Variants in USP24 observed in about 807,000 individuals in gnomAD.
USP24 encodes ubiquitin carboxyl-terminal hydrolase 24.
USP24 carries 97 observed loss-of-function variants against 361.6 expected under a neutral mutation model. The observed-to-expected ratio is 0.27, with a 90% CI of 0.23 to 0.32. USP24 has a LOEUF of 0.32. Among genes scored for constraint, USP24 ranks in the 10% least tolerant of loss-of-function variants. USP24 has a pLI of 1.00. For missense variants in USP24, 2,353 were observed against 3,165.6 expected (o/e 0.74, Z 6.16); for synonymous variants, 1,098 against 1,124.6 (o/e 0.98, Z 0.47).
chr1:55,162,316 G>C, intron 7 of USP24, 52 bp from the exon 8 acceptor site: 1 of 1,443,556 alleles, frequency 6.9e-7, no homozygotes, highest in South Asian at 1.5e-5. Flanking sequence ...TTTTTTTCCT[G>C]TCAAAATTAA....
At chr1:55,164,091 C>G (rs1648574331) in intron 7 of USP24, among the ~76,000 whole-genome samples, 1 of 151,926 alleles carries the variant, frequency 6.6e-6, no homozygotes, top group African/African-American at 2.4e-5. Context: ...GTGTCTGCAT[C>G]ATGGTATACC....
chr1:55,096,556 G>A lies in USP24; in HGVS notation c.6003C>T (p.Asp2001=), dbSNP rs201586567. The part of the protein sequence containing the change: ...DTVIEEFDLN[D]ETLEYECFGG... Reference sequence around the variant, plus strand: ...CAAAGCATTCATACTCCAGGGTCTCGTCATTTAGGTCAAATTCTTCTATAA... The same window carrying A: ...CAAAGCATTCATACTCCAGGGTCTCATCATTTAGGTCAAATTCTTCTATAA... The change falls in exon 50 of 68, where the codon GAC becomes GAT. Residue 2001 remains aspartate (D), a synonymous_variant. Coordinates refer to ENST00000294383, the MANE Select transcript of USP24 (RefSeq NM_015306.3). 15 of 1,612,766 alleles carry A rather than the reference G, an allele frequency of 9.3e-6. No homozygotes were observed. Among genetic ancestry groups the A allele is most frequent in the Admixed American group, 3.3e-5 (2 of 59,884 alleles).
intron 31 of USP24, 37 bp downstream of exon 31, chr1:55,132,508 C>T: frequency 6.3e-7 from 1 of 1,580,754 alleles, no homozygotes; most frequent in Non-Finnish European, 8.6e-7. Flanking sequence ...CCAAATAGAC[C>T]TGTCAAAATG....
rs748249527 is a variant in USP24, at chr1:55,125,398, G to T, written c.3882C>A (p.Ser1294=). 1 of 1,613,954 alleles carries T rather than the reference G, an allele frequency of 6.2e-7. No individual in the cohort carries two copies. Among genetic ancestry groups the T allele is most frequent in the East Asian group, 2.2e-5 (1 of 44,868 alleles). Residue 1294 remains serine (S), a synonymous_variant, in exon 34 of 68, where the codon TCC becomes TCA. Transcript: ENST00000294383. ...MSLCGTPEKS[S]YRQLSVSDRS... is the part of the protein sequence containing the mutation. ...TATCAGACACGGACAACTGTCGGTAGGATGACTTTTCTGGGGTACCACATA... is the reference window on the plus strand; with the variant it reads ...TATCAGACACGGACAACTGTCGGTATGATGACTTTTCTGGGGTACCACATA...
At chr1:55,191,927 T>C (rs1463563834) in intron 1 of USP24, among the ~76,000 whole-genome samples, 2 of 152,250 alleles carry the variant, frequency 1.3e-5, no homozygotes, top group Admixed American at 1.3e-4. Flanking sequence ...AATACCTTTC[T>C]GCATCCTACC....
rs948612981 is a variant in USP24, at chr1:55,066,948, T to C, written c.*2097A>G. ...TTAAAAAAAGTCATCAGCAGGTTCA[T>C]TGACTGTAGCTGTCAGCAATCAAGT... On this transcript the variant is annotated 3_prime_UTR_variant, in exon 68 of 68. Coordinates refer to ENST00000294383, the MANE Select transcript of USP24 (RefSeq NM_015306.3). 9.2e-5 allele frequency: 14 copies of C among 152,172 alleles called. No individual in the cohort carries two copies. The highest frequency in any genetic ancestry group is 7.3e-5 in the Non-Finnish European group (5 of 68,028). The allele number at this position is 152,172 out of a possible 1,614,324, so 9.4% of individuals were successfully genotyped here.
At chr1:55,184,429 C>A (rs1644068345) in intron 1 of USP24, among the ~76,000 whole-genome samples, 1 of 152,098 alleles carries the variant, frequency 6.6e-6, no homozygotes, top group South Asian at 2.1e-4. Flanking sequence ...ACATAAGCAT[C>A]TAACAACAGA....
chr1:55,125,680 G>A lies in USP24; in HGVS notation c.3714C>T (p.Ile1238=). 6.3e-7 allele frequency: 1 copy of A among 1,595,496 alleles called. No homozygotes were observed. Among genetic ancestry groups the A allele is most frequent in the Non-Finnish European group, 8.5e-7 (1 of 1,170,080 alleles). Residue 1238 remains isoleucine (I), a synonymous_variant, in exon 33 of 68, where the codon ATC becomes ATT. Transcript: ENST00000294383. The part of the protein sequence containing the change: ...DYETRQGVYS[I]CLQLARFLLV... The stretch of plus-strand genomic sequence containing the variant: ...TTACATACCTTGCAAGCTGTAGACA[G>A]ATGGAATAAACACCCTGCCTTGTTT...
chr1:55,094,178 T>C, intron 51 of USP24, 91 bp from the exon 52 acceptor site: 1 of 1,299,678 alleles, frequency 7.7e-7, no homozygotes, highest in Non-Finnish European at 1.0e-6. Flanking sequence ...TAAACGGGTA[T>C]TAGACTATTT....
Position 55,078,624 on chromosome 1 carries a change from C to T in USP24, c.7228G>A (p.Gly2410Ser). 2 of 1,609,860 alleles carry T rather than the reference C, an allele frequency of 1.2e-6. No individual in the cohort carries two copies. Among genetic ancestry groups the T allele is most frequent in the Non-Finnish European group, 1.7e-6 (2 of 1,178,922 alleles). ...ATCTCAATGAGTGCCAAGAGCGAGC[C>T]TGTCAGCTCCCGCAAAGCAAACATT... ...EVMFALRELT[G>S]SLLALIEMVV... Residue 2410 changes from glycine (G) to serine (S), a missense_variant, in exon 61 of 68, where the codon GGC becomes AGC. Transcript: ENST00000294383.
At chr1:55,100,769 T>C (rs947989815) in intron 44 of USP24, 70 bp downstream of exon 44, 9 of 1,439,510 alleles carry the variant, frequency 6.3e-6, no homozygotes, top group African/African-American at 5.8e-5. Context: ...CAAAAAACCA[T>C]TACCATTAGA....
intron 55 of USP24, among the ~76,000 whole-genome samples, chr1:55,086,908 C>T (rs1645262957): frequency 6.6e-6 from 1 of 152,190 alleles, no homozygotes; most frequent in Non-Finnish European, 1.5e-5. Flanking sequence ...TGTGTTTAAA[C>T]ATTTCCACAA....
chr1:55,169,884 A>C (rs192849537), intron 5 of USP24, among the ~76,000 whole-genome samples: 1 of 152,162 alleles, frequency 6.6e-6, no homozygotes, highest in Non-Finnish European at 1.5e-5. Context: ...TGCACAAGTA[A>C]AATAAAGAGG....
At chr1:55,089,983 C>T (rs946972982) in intron 54 of USP24, among the ~76,000 whole-genome samples, 1 of 152,004 alleles carries the variant, frequency 6.6e-6, no homozygotes, top group Non-Finnish European at 1.5e-5. Context: ...TCCCCACAAA[C>T]AAAAAAGTGT....
chr1:55,126,741 C>T (rs936400263), intron 32 of USP24, among the ~76,000 whole-genome samples: 1 of 152,148 alleles, frequency 6.6e-6, no homozygotes, highest in African/African-American at 2.4e-5. Flanking sequence ...ATCCTTTTTG[C>T]CATCATTTCC....
At chr1:55,123,348 G>C in intron 36 of USP24, 99 bp downstream of exon 36, 1 of 1,333,400 alleles carries the variant, frequency 7.5e-7, no homozygotes, top group Non-Finnish European at 9.9e-7. Context: ...TTTTCATTTT[G>C]ACCAATGGGA....
intron 61 of USP24, 26 bp from the exon 62 acceptor site, chr1:55,077,326 A>G: frequency 6.5e-7 from 1 of 1,538,054 alleles, no homozygotes; most frequent in Non-Finnish European, 8.8e-7. Flanking sequence ...AAAGCATAAA[A>G]ACTTCAGTGG....
intron 1 of USP24, among the ~76,000 whole-genome samples, chr1:55,206,809 A>G (rs1644719107): frequency 6.6e-6 from 1 of 152,182 alleles, no homozygotes. Flanking sequence ...CAGACAATTA[A>G]TAATAGTGTT....
chr1:55,088,004 A>G (rs1228090256), intron 55 of USP24, among the ~76,000 whole-genome samples: 1 of 152,240 alleles, frequency 6.6e-6, no homozygotes, highest in Admixed American at 6.5e-5. Flanking sequence ...ACAAGCAGAG[A>G]GTGAGTCAAG....
Sources: gnomAD v4.1 joint callset for allele counts (sites outside exome capture counted in the v4.1 genomes callset) on GRCh38, gnomAD v4.1.1 for gene constraint, MANE v1.5 for transcripts, NCBI Gene and HGNC (gene_info 2026-07-23, HGNC 2026-07-21) for gene names.